Variants in PLPP1 observed in about 807,000 individuals in gnomAD.
PLPP1 encodes the protein lipid phosphate phosphohydrolase 1a.
A neutral mutation model predicts 31.2 loss-of-function variants in PLPP1; 24 were observed. The observed-to-expected ratio is 0.77, with a 90% confidence interval of 0.56 to 1.08. The LOEUF is 1.08. PLPP1 is among the 50% of genes least tolerant of loss of function. PLPP1 has a pLI of 0.00. For missense variants in PLPP1, 319 were observed against 342.7 expected, an observed-to-expected ratio of 0.93 and a Z score of 0.55; for synonymous variants, 146 against 126.3, an observed-to-expected ratio of 1.16 and a Z score of -1.05.
intron 4 of PLPP1, among the ~76,000 whole-genome samples, chr5:55,434,894 G>A (rs182459643): frequency 5.3e-5 from 8 of 152,260 alleles, no homozygotes; most frequent in Non-Finnish European, 1.0e-4. Context: ...AATAAAAATA[G>A]ACAAATGGGA....
At chr5:55,454,880 C>A (rs1455836742) in intron 3 of PLPP1, among the ~76,000 whole-genome samples, 1 of 152,084 alleles carries the variant, frequency 6.6e-6, no homozygotes, top group African/African-American at 2.4e-5. Flanking sequence ...ACAATTAGAC[C>A]ATATTCTTCT....
In PLPP1 at chr5:55,475,366, G is replaced by A. The variant is rs370955366; in HGVS notation, c.143C>T (p.Pro48Leu). The A allele has an allele frequency of 6.8e-6, 11 of 1,612,190 alleles. No individual in the cohort carries two copies. The African/African-American group carries it at 1.5e-4, about 22-fold the overall frequency. ...VFCNDESIKY[P>L]YKEDTIPYAL... Reference sequence around the variant, plus strand: ...ATAAGGTATGGTGTCTTCTTTGTAAGGGTACTTGATGGACTCATCATTACA... The same window carrying A: ...ATAAGGTATGGTGTCTTCTTTGTAAAGGTACTTGATGGACTCATCATTACA... Residue 48 changes from proline to leucine, a missense_variant, in exon 2 of 6, where the codon CCT (proline) becomes CTT (leucine). By Grantham distance (98) the Pro-to-Leu change is moderately conservative. Transcript: ENST00000307259.
intron 1 of PLPP1, among the ~76,000 whole-genome samples, chr5:55,494,087 GATGT>G (rs765949017): frequency 4.0e-5 from 6 of 151,792 alleles, no homozygotes; most frequent in Non-Finnish European, 7.4e-5. Flanking sequence ...ACTTGGAAAG[GATGT>G]AAGTTTGTAG....
intron 1 of PLPP1, among the ~76,000 whole-genome samples, chr5:55,534,049 G>T (rs773313881): frequency 6.6e-6 from 1 of 152,080 alleles, no homozygotes; most frequent in Admixed American, 6.6e-5. Flanking sequence ...AAAACTTGGC[G>T]TGCTCATCCC....
intron 2 of PLPP1, among the ~76,000 whole-genome samples, chr5:55,473,823 CT>C (rs34518715): frequency 0.86 from 129,190 of 151,004 alleles, 55,742 homozygotes; most frequent in South Asian, 0.92. Flanking sequence ...CATACCTGGC[CT>C]TTTTTTTTGC....
chr5:55,520,385 A>G (rs759616589), intron 1 of PLPP1, among the ~76,000 whole-genome samples: 7 of 152,250 alleles, frequency 4.6e-5, no homozygotes, highest in Non-Finnish European at 8.8e-5. Context: ...TCACCAACAC[A>G]TGAAATCACA....
In PLPP1 at chr5:55,525,631, T is replaced by C. The variant is rs114643532; in HGVS notation, c.58+8941A>G. ...GATTACAGGCATGAGCCACCATGCC[T>C]GGCCCCCAATTTTAGACTAGTTTCA... On this transcript the variant is annotated intron_variant, in intron 1 of 5. Transcript: ENST00000307259. Among the ~76,000 whole-genome samples, 361 of 152,294 alleles carry C rather than the reference T, an allele frequency of 2.4e-3. 3 individuals are homozygous for C. Among genetic ancestry groups the C allele is most frequent in the African/African-American group, 8.1e-3 (337 of 41,572 alleles).
At chr5:55,530,688 G>GGGCAT (rs1740631102) in intron 1 of PLPP1, 1 of 1,590,726 alleles carries the variant, frequency 6.3e-7, no homozygotes, top group Admixed American at 1.7e-5. Context: ...GGCCCGTTCA[G>GGGCAT]GGCATGCTCT....
intron 1 of PLPP1, among the ~76,000 whole-genome samples, chr5:55,496,413 C>G (rs1753004812): frequency 6.6e-6 from 1 of 152,130 alleles, no homozygotes; most frequent in African/African-American, 2.4e-5. Flanking sequence ...CACCCTCTAC[C>G]TGGGACTACA....
At chr5:55,463,286 G>A (rs1160758650) in intron 3 of PLPP1, among the ~76,000 whole-genome samples, 1 of 152,010 alleles carries the variant, frequency 6.6e-6, no homozygotes, top group Non-Finnish European at 1.5e-5. Flanking sequence ...AAACCACCAT[G>A]GCACATATAT....
intron 2 of PLPP1, 103 bp downstream of exon 2, chr5:55,475,196 T>C (rs1752508963): frequency 8.6e-6 from 9 of 1,048,226 alleles, no homozygotes; most frequent in African/African-American, 1.7e-5. Context: ...TTAAAAAGCA[T>C]ACATTGTTTT....
intron 3 of PLPP1, among the ~76,000 whole-genome samples, chr5:55,455,236 G>GA (rs981359920): frequency 1.7e-4 from 26 of 150,508 alleles, no homozygotes; most frequent in East Asian, 1.5e-3. Context: ...CAGAAAAAAA[G>GA]AAAAAAAAAG....
chr5:55,452,673 T>G (rs987990362), intron 3 of PLPP1, among the ~76,000 whole-genome samples: 1 of 152,188 alleles, frequency 6.6e-6, no homozygotes, highest in African/African-American at 2.4e-5. Flanking sequence ...CCAAGAAACC[T>G]TTCCTAAAAA....
intron 1 of PLPP1, among the ~76,000 whole-genome samples, chr5:55,512,479 A>AG (rs1422549377): frequency 9.9e-4 from 42 of 42,242 alleles, no homozygotes; most frequent in South Asian, 2.8e-3. Context: ...AAAAAAAAAA[A>AG]AAAAGAAAGA....
intron 3 of PLPP1, among the ~76,000 whole-genome samples, chr5:55,449,937 C>T (rs541515233): frequency 5.3e-5 from 8 of 152,004 alleles, no homozygotes; most frequent in South Asian, 4.2e-4. Context: ...GAATATAAAA[C>T]GGTCCCCACC....
intron 4 of PLPP1, among the ~76,000 whole-genome samples, chr5:55,431,818 T>C (rs1210763862): frequency 6.6e-6 from 1 of 152,148 alleles, no homozygotes; most frequent in Non-Finnish European, 1.5e-5. Flanking sequence ...AAAGTTGCTT[T>C]TATGAAAGGA....
chr5:55,448,277 G>C lies in PLPP1; in HGVS notation c.492-6369C>G, dbSNP rs928274149. ...TCAAGTAGGTGATGAATGAGAAAAT[G>C]AGCACTCTCATATTGCACACTTTCT... is the stretch of plus-strand genomic sequence containing the variant. On this transcript the variant is annotated intron_variant, in intron 3 of 5. Transcript: ENST00000307259. 3.3e-5 allele frequency among the ~76,000 whole-genome samples: 5 copies of C among 152,086 alleles called. No homozygotes were observed. The South Asian group carries it at 8.3e-4, about 25-fold the overall frequency.
chr5:55,511,402 A>G (rs1050880943), intron 1 of PLPP1, among the ~76,000 whole-genome samples: 1 of 152,196 alleles, frequency 6.6e-6, no homozygotes. Context: ...CCATATAACC[A>G]TTAAAATTTC....
At chr5:55,496,001 G>T (rs1213203262) in intron 1 of PLPP1, among the ~76,000 whole-genome samples, 1 of 152,014 alleles carries the variant, frequency 6.6e-6, no homozygotes, top group East Asian at 1.9e-4. Flanking sequence ...GGGACCACAG[G>T]CACGCGCCAC....
Sources: allele counts gnomAD v4.1 joint callset (sites outside exome capture counted in the v4.1 genomes callset), GRCh38; gene constraint gnomAD v4.1.1; transcripts MANE v1.5; gene names NCBI Gene and HGNC (gene_info 2026-07-23, HGNC 2026-07-21).